The following SRFBP1 variants were observed in gnomAD, a reference collection of about 807,000 sequenced individuals.
The protein encoded by SRFBP1 is serum response factor-binding protein 1.
SRFBP1 carries 47 observed loss-of-function variants against 45.5 expected under a neutral mutation model. The ratio of observed to expected loss-of-function variants is 1.03; its 90% CI spans 0.82 to 1.32. SRFBP1 has a LOEUF of 1.32. Among genes scored for constraint, SRFBP1 ranks in the 40% most tolerant of loss-of-function variants. The pLI is 0.00. For missense variants in SRFBP1, 621 were observed against 484.6 expected (o/e 1.28, Z -2.64); for synonymous variants, 203 against 166.3 (o/e 1.22, Z -1.70).
chr5:122,023,246 T>G (rs1753398796), intron 7 of SRFBP1, among the ~76,000 whole-genome samples: 1 of 152,302 alleles, frequency 6.6e-6, no homozygotes, highest in African/African-American at 2.4e-5. Context: ...GACCAGACTT[T>G]CTATCACTGG....
chr5:121,994,951 C>T (rs1207869825), intron 4 of SRFBP1, among the ~76,000 whole-genome samples: 2 of 151,920 alleles, frequency 1.3e-5, no homozygotes, highest in East Asian at 1.9e-4. Flanking sequence ...CTACTTAAAA[C>T]TAAGATGCAT....
chr5:121,963,720 A>G (rs1055066293), intron 1 of SRFBP1, among the ~76,000 whole-genome samples: 9 of 152,132 alleles, frequency 5.9e-5, no homozygotes, highest in Non-Finnish European at 8.8e-5. Flanking sequence ...ACATATGTTT[A>G]CTAGGTGATT....
chr5:121,979,593 T>A (rs1027823036), intron 3 of SRFBP1, among the ~76,000 whole-genome samples: 1 of 152,200 alleles, frequency 6.6e-6, no homozygotes, highest in African/African-American at 2.4e-5. Context: ...ATACAAATAA[T>A]CGTGTTATCA....
chr5:122,013,161 T>G (rs17417314), intron 4 of SRFBP1, among the ~76,000 whole-genome samples: 1 of 152,034 alleles, frequency 6.6e-6, no homozygotes, highest in African/African-American at 2.4e-5. Flanking sequence ...TTATTTTGCC[T>G]GAAAACTTCA....
chr5:122,045,005 G>C (rs879377175), intron 2 of SRFBP1, among the ~76,000 whole-genome samples: 3 of 152,080 alleles, frequency 2.0e-5, no homozygotes, highest in Admixed American at 1.3e-4. Flanking sequence ...TTACATTTAA[G>C]TCTTTAATCC....
intron 7 of SRFBP1, among the ~76,000 whole-genome samples, chr5:122,024,574 G>A (rs1001805459): frequency 6.6e-6 from 1 of 152,072 alleles, no homozygotes; most frequent in Non-Finnish European, 1.5e-5. Flanking sequence ...TATGGTCCAG[G>A]CCTTTTACTC....
chr5:122,045,668 G>T (rs558089627), intron 2 of SRFBP1, among the ~76,000 whole-genome samples: 1 of 152,038 alleles, frequency 6.6e-6, no homozygotes, highest in African/African-American at 2.4e-5. Context: ...TATGTCACTG[G>T]TGTATAGGAA....
intron 2 of SRFBP1, among the ~76,000 whole-genome samples, chr5:122,057,943 G>C (rs753387262): frequency 2.0e-4 from 31 of 152,116 alleles, no homozygotes; most frequent in Admixed American, 1.4e-3. Context: ...CCTCCCCCAA[G>C]TGCTAAGATT....
chr5:121,966,946 A>ATTTTTTTTTTTTTTTTTTTTT (rs34687337), intron 1 of SRFBP1, among the ~76,000 whole-genome samples: 1 of 114,686 alleles, frequency 8.7e-6, no homozygotes, highest in Non-Finnish European at 1.7e-5. Context: ...CGCCCAGCTA[A>ATTTTTTTTTTTTTTTTTTTTT]TTTTTTTTTT....
At chr5:121,988,054 A>G (rs1752550720) in intron 3 of SRFBP1, among the ~76,000 whole-genome samples, 1 of 152,240 alleles carries the variant, frequency 6.6e-6, no homozygotes, top group South Asian at 2.1e-4. Flanking sequence ...AGTGGCATCT[A>G]GCACTGTGTG....
At chr5:122,025,231 G>A (rs892242369) in intron 7 of SRFBP1, among the ~76,000 whole-genome samples, 1 of 151,934 alleles carries the variant, frequency 6.6e-6, no homozygotes, top group Non-Finnish European at 1.5e-5. Flanking sequence ...TTGTCCTTGC[G>A]ATGGTTTGCT....
At chr5:121,998,559 A>G (rs1425803313) in intron 4 of SRFBP1, among the ~76,000 whole-genome samples, 7 of 148,244 alleles carry the variant, frequency 4.7e-5, no homozygotes, top group Non-Finnish European at 8.9e-5. Flanking sequence ...AGATATACCT[A>G]ATGCTAGATG....
At chr5:122,024,901 C>T in intron 7 of SRFBP1, among the ~76,000 whole-genome samples, 1 of 151,806 alleles carries the variant, frequency 6.6e-6, no homozygotes, top group East Asian at 1.9e-4. Context: ...AGAAATACTA[C>T]CTTATTCAAA....
rs780228284 is a variant in SRFBP1 at position 122,020,762 on chromosome 5, G to A, written c.1027G>A (p.Val343Met). The A allele has an allele frequency of 4.4e-6, 7 of 1,596,280 alleles. No homozygotes were observed. The highest frequency in any genetic ancestry group is 1.1e-5 in the South Asian group (1 of 87,006). The change falls in exon 6 of 8, where the codon GTG (valine) becomes ATG (methionine). Residue 343 changes from valine to methionine, a missense_variant. Transcript: ENST00000339397. Reference sequence around the variant, plus strand: ...TACAGAAACCAGAAAGTTAGAATCAGTGTTTTTCCACTCTTTATCTGGATC... The same window carrying A: ...TACAGAAACCAGAAAGTTAGAATCAATGTTTTTCCACTCTTTATCTGGATC... Reference protein sequence around the residue: ...PSTETRKLESVFFHSLSGSKS... With the variant: ...PSTETRKLESMFFHSLSGSKS...
At chr5:122,001,631 G>C (rs1049674137) in intron 4 of SRFBP1, among the ~76,000 whole-genome samples, 10 of 143,610 alleles carry the variant, frequency 7.0e-5, no homozygotes, top group African/African-American at 2.6e-4. Context: ...GCGCAATCTC[G>C]GCTCACTGCA....
intron 4 of SRFBP1, among the ~76,000 whole-genome samples, chr5:122,011,986 C>T (rs889111949): frequency 2.4e-4 from 36 of 152,042 alleles, no homozygotes; most frequent in Non-Finnish European, 2.9e-4. Context: ...GGGAGCTTTA[C>T]GCAATTTATA....
chr5:121,962,594 ACTT>A (rs1371111567), intron 1 of SRFBP1, among the ~76,000 whole-genome samples: 2 of 152,162 alleles, frequency 1.3e-5, no homozygotes, highest in Non-Finnish European at 2.9e-5. Flanking sequence ...TTACAGCAGA[ACTT>A]CAATAAAGAG....
chr5:121,984,237 G>A (rs1278458857), intron 3 of SRFBP1, among the ~76,000 whole-genome samples: 1 of 151,828 alleles, frequency 6.6e-6, no homozygotes, highest in African/African-American at 2.4e-5. Flanking sequence ...AGTTTTGTAT[G>A]ATTGGAGAAA....
intron 5 of SRFBP1, 108 bp downstream of exon 5, chr5:122,019,449 C>A (rs1025906681): frequency 5.5e-6 from 5 of 905,584 alleles, no homozygotes; most frequent in Non-Finnish European, 8.1e-6. Context: ...ATATAAGTTT[C>A]TTTCAAATAT....
Sources: gnomAD v4.1 joint callset for allele counts (sites outside exome capture counted in the v4.1 genomes callset) on GRCh38, gnomAD v4.1.1 for gene constraint, MANE v1.5 for transcripts, NCBI Gene and HGNC (gene_info 2026-07-23, HGNC 2026-07-21) for gene names.